BMPR1B: variants seen among roughly 807,000 people sequenced by gnomAD.
BMPR1B encodes the protein bone morphogenetic protein receptor type 1B.
BMPR1B carries 12 observed loss-of-function variants against 59.1 expected under a neutral mutation model. The observed-to-expected ratio is 0.20, with a 90% CI of 0.13 to 0.33. The LOEUF (loss-of-function observed/expected upper bound fraction) is 0.33. BMPR1B is among the 10% of genes least tolerant of loss of function. The pLI is 1.00. For synonymous variants in BMPR1B, 237 were observed against 207.3 expected (o/e 1.14, Z -1.23); for missense variants, 550 against 610.9 (o/e 0.90, Z 1.05).
chr4:95,094,912 AT>A (rs1730252699), intron 3 of BMPR1B, among the ~76,000 whole-genome samples: 1 of 151,740 alleles, frequency 6.6e-6, no homozygotes, highest in South Asian at 2.1e-4. Context: ...ATATTAGAAA[AT>A]CTGTTCTTTC....
At chr4:94,788,585 AAC>A (rs1454115432) in intron 1 of BMPR1B, among the ~76,000 whole-genome samples, 4 of 152,112 alleles carry the variant, frequency 2.6e-5, no homozygotes, top group Non-Finnish European at 5.9e-5. Flanking sequence ...GGAGATGACA[AAC>A]ACAGATTTAC....
intron 3 of BMPR1B, among the ~76,000 whole-genome samples, chr4:95,087,297 G>A (rs948688602): frequency 1.3e-5 from 2 of 152,062 alleles, no homozygotes. Context: ...AGCCTCTATG[G>A]TTCCATGATA....
intron 1 of BMPR1B, among the ~76,000 whole-genome samples, chr4:94,813,081 A>G (rs555478082): frequency 6.6e-6 from 1 of 152,100 alleles, no homozygotes; most frequent in Non-Finnish European, 1.5e-5. Flanking sequence ...TAATTAAGCA[A>G]ATATTTACAG....
intron 1 of BMPR1B, among the ~76,000 whole-genome samples, chr4:94,800,406 T>C (rs1723361619): frequency 6.6e-6 from 1 of 152,142 alleles, no homozygotes; most frequent in African/African-American, 2.4e-5. Flanking sequence ...TATTTAGATA[T>C]TTACTTATGG....
At chr4:94,829,085 A>C (rs62316547) in intron 1 of BMPR1B, among the ~76,000 whole-genome samples, 1 of 152,168 alleles carries the variant, frequency 6.6e-6, no homozygotes, top group Non-Finnish European at 1.5e-5. Context: ...ATTTAGTAAA[A>C]GTAGAGCTGG....
intron 3 of BMPR1B, among the ~76,000 whole-genome samples, chr4:95,075,584 G>A (rs542935695): frequency 1.2e-4 from 18 of 152,250 alleles, no homozygotes; most frequent in African/African-American, 4.1e-4. Flanking sequence ...TCAGTTTGGA[G>A]TAGAAAGACT....
At chr4:94,825,944 T>C (rs1329117299) in intron 1 of BMPR1B, among the ~76,000 whole-genome samples, 1 of 152,222 alleles carries the variant, frequency 6.6e-6, no homozygotes, top group Non-Finnish European at 1.5e-5. Context: ...TATGGTAACA[T>C]TTCTTTTTTA....
At chr4:94,888,617 CAG>C (rs973049046) in intron 2 of BMPR1B, among the ~76,000 whole-genome samples, 2 of 151,878 alleles carry the variant, frequency 1.3e-5, no homozygotes, top group Non-Finnish European at 2.9e-5. Flanking sequence ...GAAACTAAAG[CAG>C]AGAGAGATTA....
chr4:94,874,579 A>C (rs1029783763), intron 1 of BMPR1B, among the ~76,000 whole-genome samples: 5 of 152,202 alleles, frequency 3.3e-5, no homozygotes, highest in Admixed American at 3.3e-4. Flanking sequence ...GGTGATGTGA[A>C]TACTAACAAA....
At chr4:94,822,117 A>T (rs1327773471) in intron 1 of BMPR1B, among the ~76,000 whole-genome samples, 1 of 152,228 alleles carries the variant, frequency 6.6e-6, no homozygotes, top group Non-Finnish European at 1.5e-5. Flanking sequence ...GGCAAGGGCC[A>T]TCTTGCTGTG....
rs530335043 is a variant in BMPR1B, at chr4:95,051,863, C to T, written c.-17-52545C>T. 844 of 1,302,880 alleles carry T rather than the reference C, an allele frequency of 6.5e-4. 1 individual carries two copies. Among genetic ancestry groups the T allele is most frequent in the Admixed American group, 9.2e-4 (45 of 48,696 alleles). 80.7% of individuals were successfully genotyped at this position (1,302,880 alleles called of 1,614,324 possible). A position where few individuals can be genotyped will look rare whatever the true frequency, so the allele number is the denominator to read the frequency against. ...TTTATCGCAGAAGGGAAAGTTCAGGCCAGAAGTTCAATGTCTATAAAGTTC... is the reference window on the plus strand; with the variant it reads ...TTTATCGCAGAAGGGAAAGTTCAGGTCAGAAGTTCAATGTCTATAAAGTTC... On this transcript the variant is annotated intron_variant, in intron 3 of 12. Transcript: ENST00000515059.
At position 95,131,378 on chromosome 4, in the gene BMPR1B, T is replaced by C; in HGVS notation, c.942T>C (p.His314=). 1.2e-6 allele frequency: 2 copies of C among 1,614,044 alleles called. No homozygotes were observed. Among genetic ancestry groups the C allele is most frequent in the Non-Finnish European group, 1.7e-6 (2 of 1,179,994 alleles). Residue 314 remains histidine (H), a synonymous_variant, in exon 10 of 13, where the codon CAT becomes CAC. Coordinates refer to ENST00000515059, the MANE Select transcript of BMPR1B (RefSeq NM_001203.3). ...ACTCTTCTGTCAGTGGCTTATGTCA[T>C]TTACACACAGAAATCTTTAGTACTC... ...LAYSSVSGLC[H]LHTEIFSTQG...
chr4:94,818,342 A>G (rs1224863071), intron 1 of BMPR1B, among the ~76,000 whole-genome samples: 1 of 152,178 alleles, frequency 6.6e-6, no homozygotes, highest in Admixed American at 6.5e-5. Context: ...TTTAATGACA[A>G]CTATTTAGAA....
intron 1 of BMPR1B, among the ~76,000 whole-genome samples, chr4:94,831,252 C>A (rs1400345948): frequency 0.01 from 994 of 97,990 alleles, 11 homozygotes; most frequent in South Asian, 0.056. Context: ...AAAAAAAAAA[C>A]GTAGAAGAAA....
intron 2 of BMPR1B, among the ~76,000 whole-genome samples, chr4:94,910,125 A>G (rs964871008): frequency 2.0e-4 from 30 of 152,056 alleles, no homozygotes; most frequent in African/African-American, 7.2e-4. Flanking sequence ...GAAGGCTAGC[A>G]CTGGAGCCTT....
chr4:94,842,103 A>C (rs1725110502), intron 1 of BMPR1B, among the ~76,000 whole-genome samples: 1 of 152,322 alleles, frequency 6.6e-6, no homozygotes, highest in South Asian at 2.1e-4. Context: ...TGCTTGGACA[A>C]GTAGCCTGAA....
intron 2 of BMPR1B, among the ~76,000 whole-genome samples, chr4:94,910,040 G>A (rs374258965): frequency 3.3e-5 from 5 of 151,264 alleles, no homozygotes; most frequent in Non-Finnish European, 5.9e-5. Flanking sequence ...GCGAGACTCC[G>A]TCTCCAAAAA....
At chr4:94,775,618 T>A (rs1197776113) in intron 1 of BMPR1B, among the ~76,000 whole-genome samples, 1 of 152,230 alleles carries the variant, frequency 6.6e-6, no homozygotes, top group Non-Finnish European at 1.5e-5. Flanking sequence ...TGGTTAACTT[T>A]AGCATTAGTG....
chr4:94,761,089 A>T (rs1721744927), intron 1 of BMPR1B, among the ~76,000 whole-genome samples: 1 of 152,294 alleles, frequency 6.6e-6, no homozygotes, highest in Non-Finnish European at 1.5e-5. Context: ...AATTCTTTTC[A>T]CTGGACTCAT....
Sources: gnomAD v4.1 joint callset for allele counts (sites outside exome capture counted in the v4.1 genomes callset) on GRCh38, gnomAD v4.1.1 for gene constraint, MANE v1.5 for transcripts, NCBI Gene and HGNC (gene_info 2026-07-23, HGNC 2026-07-21) for gene names.